FLACC1: variants seen among roughly 807,000 people sequenced by gnomAD.
FLACC1 encodes flagellum associated containing coiled-coil domains 1.
A neutral mutation model predicts 62.8 loss-of-function variants in FLACC1; 66 were observed. The ratio of observed to expected loss-of-function variants is 1.05; its 90% CI spans 0.86 to 1.29. The LOEUF is 1.29. Ranked by LOEUF, FLACC1 falls within the 50% of genes most tolerant of loss-of-function variation. The probability of loss-of-function intolerance (pLI) is 0.00; values close to 1 mark genes in which losing one functional copy is unlikely to be tolerated. For synonymous variants in FLACC1, 156 were observed against 161.0 expected (o/e 0.97, Z 0.24); for missense variants, 452 against 489.1 (o/e 0.92, Z 0.71).
At chr2:201,331,325 G>A (rs980738596) in intron 7 of FLACC1, among the ~76,000 whole-genome samples, 2 of 151,992 alleles carry the variant, frequency 1.3e-5, no homozygotes, top group Admixed American at 1.3e-4. Flanking sequence ...AAAGGGTGAG[G>A]GGACCCTTTT....
intron 8 of FLACC1, 101 bp from the exon 9 acceptor site, chr2:201,330,623 C>A: frequency 6.6e-7 from 1 of 1,524,806 alleles, no homozygotes; most frequent in South Asian, 1.2e-5. Context: ...ACCCCAAACT[C>A]ATCACCAAGG....
chr2:201,295,271 T>G (rs370946903), intron 12 of FLACC1, among the ~76,000 whole-genome samples: 2 of 152,080 alleles, frequency 1.3e-5, no homozygotes, highest in African/African-American at 4.8e-5. Flanking sequence ...ATACTACAAG[T>G]CTACAGTAAC....
At position 201,288,652 on chromosome 2, in the gene FLACC1, T is replaced by A. The variant is rs780107521; in HGVS notation, c.*3A>T. 8 of 1,613,520 alleles carry A rather than the reference T, an allele frequency of 5.0e-6. No individual in the cohort carries two copies. The highest frequency in any genetic ancestry group is 4.5e-5 in the East Asian group (2 of 44,860). On this transcript the variant is annotated 3_prime_UTR_variant, in exon 15 of 15. Transcript: ENST00000392257. ...TCTTCAACAATGCAGAGCAACTTTTTGTTTATGATTCTTGTCCTTTCTTGC... is the reference window on the plus strand; with the variant it reads ...TCTTCAACAATGCAGAGCAACTTTTAGTTTATGATTCTTGTCCTTTCTTGC...
intron 7 of FLACC1, among the ~76,000 whole-genome samples, chr2:201,337,995 A>T (rs1950728532): frequency 6.6e-6 from 1 of 152,200 alleles, no homozygotes; most frequent in Admixed American, 6.5e-5. Context: ...CAGCATGGCC[A>T]TTTTGGCGAT....
At chr2:201,316,997 C>T (rs1950319268) in intron 9 of FLACC1, among the ~76,000 whole-genome samples, 1 of 152,112 alleles carries the variant, frequency 6.6e-6, no homozygotes, top group Admixed American at 6.5e-5. Context: ...CAAAATCCAG[C>T]ATGCTTTATG....
intron 12 of FLACC1, among the ~76,000 whole-genome samples, chr2:201,295,707 C>T (rs968629811): frequency 6.6e-5 from 10 of 152,070 alleles, no homozygotes; most frequent in Non-Finnish European, 1.3e-4. Flanking sequence ...AAGAAACTAC[C>T]ATCAGAGTGA....
In FLACC1 at chr2:201,315,062, A is replaced by C. The variant is rs192898904; in HGVS notation, c.676-5812T>G. On this transcript the variant is annotated intron_variant, in intron 9 of 14. Transcript: ENST00000392257. ...CTCTAAATCTTGAAACAAATCCTGG[A>C]AACACATCAAAACAGAACCTCTTTA... Among the ~76,000 whole-genome samples, 466 of 152,306 alleles carry C rather than the reference A, an allele frequency of 3.1e-3. 2 individuals are homozygous for C. Among genetic ancestry groups the C allele is most frequent in the African/African-American group, 0.011 (455 of 41,556 alleles).
chr2:201,313,273 G>C (rs1381970719), intron 9 of FLACC1, among the ~76,000 whole-genome samples: 1 of 152,176 alleles, frequency 6.6e-6, no homozygotes, highest in East Asian at 1.9e-4. Flanking sequence ...AAGCACAAAA[G>C]CACTACTTGC....
intron 1 of FLACC1, chr2:201,352,150 A>G (rs1951039626): frequency 6.6e-6 from 1 of 152,182 alleles, no homozygotes; most frequent in East Asian, 1.9e-4. Flanking sequence ...TTGACTCCCA[A>G]GCTCCTTCCT....
rs1422243663 is a variant in FLACC1 at position 201,346,094 on chromosome 2, G to C, written c.368+448C>G. ...GCGTGAGAATAGCTTAAACCTGGGAGGCAGAAGTTGCAGTGAGCTGAGATC... is the reference window on the plus strand; with the variant it reads ...GCGTGAGAATAGCTTAAACCTGGGACGCAGAAGTTGCAGTGAGCTGAGATC... On this transcript the variant is annotated intron_variant, in intron 5 of 14. Transcript: ENST00000392257. The surrounding 1 kb of genome is among the most constrained non-coding windows in gnomAD (Gnocchi z 4.0). Among the ~76,000 whole-genome samples the C allele has an allele frequency of 6.6e-6, 1 of 152,108 alleles. No individual in the cohort carries two copies. The highest frequency in any genetic ancestry group is 1.5e-5 in the Non-Finnish European group (1 of 68,012).
intron 10 of FLACC1, among the ~76,000 whole-genome samples, chr2:201,307,941 T>C (rs1309414149): frequency 1.3e-5 from 2 of 152,258 alleles, no homozygotes; most frequent in Non-Finnish European, 2.9e-5. Context: ...ATCATGGATA[T>C]CCTTATCTTA....
At chr2:201,314,646 G>T (rs1453413180) in intron 9 of FLACC1, among the ~76,000 whole-genome samples, 1 of 152,284 alleles carries the variant, frequency 6.6e-6, no homozygotes, top group African/African-American at 2.4e-5. Flanking sequence ...CCCCACCCTT[G>T]CTAGAGACCT....
At chr2:201,329,346 G>A (rs969706671) in intron 9 of FLACC1, among the ~76,000 whole-genome samples, 12 of 152,188 alleles carry the variant, frequency 7.9e-5, no homozygotes, top group Non-Finnish European at 4.4e-5. Flanking sequence ...ACCGTTGGTA[G>A]GAATGTAAAT....
chr2:201,339,874 T>C (rs1950771566), intron 7 of FLACC1, among the ~76,000 whole-genome samples: 1 of 152,192 alleles, frequency 6.6e-6, no homozygotes, highest in African/African-American at 2.4e-5. Context: ...GAATGGCAGC[T>C]ATGGGCTGGG....
chr2:201,306,714 G>A (rs894353861), intron 11 of FLACC1, among the ~76,000 whole-genome samples: 50 of 152,026 alleles, frequency 3.3e-4, no homozygotes, highest in African/African-American at 1.1e-3. Context: ...TCTGTATATC[G>A]AAATATATCA....
intron 12 of FLACC1, among the ~76,000 whole-genome samples, chr2:201,290,129 G>A (rs1949698751): frequency 6.6e-6 from 1 of 152,208 alleles, no homozygotes; most frequent in African/African-American, 2.4e-5. Context: ...GGATTTGGAG[G>A]GGAAGGGAGG....
At chr2:201,331,369 C>T (rs141716778) in intron 7 of FLACC1, among the ~76,000 whole-genome samples, 1 of 152,238 alleles carries the variant, frequency 6.6e-6, no homozygotes, top group African/African-American at 2.4e-5. Flanking sequence ...GCCAGCATGA[C>T]CACAGATTCC....
At position 201,346,098 on chromosome 2, in the gene FLACC1, G is replaced by T. The variant is rs1345621639; in HGVS notation, c.368+444C>A. On this transcript the variant is annotated intron_variant, in intron 5 of 14. Coordinates refer to ENST00000392257, the MANE Select transcript of FLACC1 (RefSeq NM_001127391.3). This position sits in a 1 kb window ranked among gnomAD's most constrained non-coding sequence, Gnocchi z 4.0. ...GAGAATAGCTTAAACCTGGGAGGCA[G>T]AAGTTGCAGTGAGCTGAGATCGTGC... 6.6e-6 allele frequency among the ~76,000 whole-genome samples: 1 copy of T among 152,138 alleles called. No homozygotes were observed. The highest frequency in any genetic ancestry group is 6.5e-5 in the Admixed American group (1 of 15,280).
At chr2:201,363,232 C>G in the FLACC1 span, among the ~76,000 whole-genome samples, 10 of 151,710 alleles carry the variant, frequency 6.6e-5, no homozygotes, top group Admixed American at 3.3e-4. Context: ...TCTGGAGCAC[C>G]CCCTTCCTTG....
Sources: gnomAD v4.1 joint callset for allele counts (sites outside exome capture counted in the v4.1 genomes callset) on GRCh38, gnomAD v4.1.1 for gene constraint, Gnocchi (gnomAD v3.1) non-coding constraint, MANE v1.5 for transcripts, NCBI Gene and HGNC (gene_info 2026-07-23, HGNC 2026-07-21) for gene names.